The following FAM118A variants were observed in gnomAD, a reference collection of about 807,000 sequenced individuals.
FAM118A encodes protein FAM118A.
In FAM118A, 25 loss-of-function variants were observed where a neutral mutation model predicts 38.2. The ratio of observed to expected loss-of-function variants is 0.65; its 90% CI spans 0.48 to 0.91. The LOEUF (loss-of-function observed/expected upper bound fraction) is 0.91, where lower values mean the gene tolerates loss of function less well. Among genes scored for constraint, FAM118A ranks in the 40% least tolerant of loss-of-function variants. The pLI is 0.00. For missense variants in FAM118A, 425 were observed against 463.3 expected (o/e 0.92, Z 0.76); for synonymous variants, 178 against 184.1 (o/e 0.97, Z 0.27).
Position 45,340,432 on chromosome 22 carries a change from G to C in FAM118A, c.*27G>C. The C allele has an allele frequency of 6.2e-7, 1 of 1,613,812 alleles. No homozygotes were observed. The highest frequency in any genetic ancestry group is 8.5e-7 in the Non-Finnish European group (1 of 1,179,694). On this transcript the variant is annotated 3_prime_UTR_variant, in exon 9 of 9. Coordinates refer to ENST00000441876, the MANE Select transcript of FAM118A (RefSeq NM_017911.4). Reference sequence around the variant, plus strand: ...ATCTTTACAGTAAAACCTGCAACTTGAAAACTAGCCTTCTGTAACCACAGT... The same window carrying C: ...ATCTTTACAGTAAAACCTGCAACTTCAAAACTAGCCTTCTGTAACCACAGT...
At chr22:45,310,535 A>C (rs963161595) in intron 1 of FAM118A, among the ~76,000 whole-genome samples, 2 of 151,904 alleles carry the variant, frequency 1.3e-5, no homozygotes, top group Non-Finnish European at 2.9e-5. Flanking sequence ...CGTGGTTCCC[A>C]GTGTCCTTAG....
intron 8 of FAM118A, among the ~76,000 whole-genome samples, chr22:45,337,462 G>A (rs902046567): frequency 6.6e-6 from 1 of 152,076 alleles, no homozygotes; most frequent in Admixed American, 6.5e-5. Flanking sequence ...TAATATTGGG[G>A]CTTGAAGACA....
upstream of FAM118A, chr22:45,309,069 C>G (rs1175150671): frequency 6.6e-6 from 1 of 152,238 alleles, no homozygotes; most frequent in Non-Finnish European, 1.5e-5. Context: ...TCAGTCCTCG[C>G]AATACCCACA....
At chr22:45,331,035 C>T (rs1191194690) in intron 5 of FAM118A, among the ~76,000 whole-genome samples, 1 of 152,224 alleles carries the variant, frequency 6.6e-6, no homozygotes. Flanking sequence ...TTTGGTGGTT[C>T]TCACCTGCCC....
At chr22:45,322,300 A>G in intron 1 of FAM118A, 71 bp from the exon 2 acceptor site, 30 of 1,582,942 alleles carry the variant, frequency 1.9e-5, no homozygotes, top group East Asian at 8.9e-5. Context: ...AGCCTTAACT[A>G]TCTTCCAGGG....
rs545156742 is a variant in FAM118A at position 45,326,083 on chromosome 22, G to GGGGA, written c.301-1756_301-1753dup. Among the ~76,000 whole-genome samples, 275 of 152,240 alleles carry GGGGA rather than the reference G, an allele frequency of 1.8e-3. 2 individuals carry two copies. Among genetic ancestry groups the GGGGA allele is most frequent in the African/African-American group, 6.3e-3 (262 of 41,546 alleles). On this transcript the variant is annotated intron_variant, in intron 3 of 8. Coordinates refer to ENST00000441876, the MANE Select transcript of FAM118A (RefSeq NM_017911.4). The stretch of plus-strand genomic sequence containing the variant: ...CAACACGAACAGGCACAGAGGGCGA[G>GGGGA]GGGAGGTATTTTGATACCCAGGTGC...
intron 2 of FAM118A, 125 bp from the exon 3 acceptor site, chr22:45,323,050 T>TGG: frequency 1.1e-6 from 1 of 951,578 alleles, no homozygotes; most frequent in African/African-American, 1.7e-5. Context: ...ACTGTGTGTG[T>TGG]GTGTGTGTGT....
chr22:45,330,065 C>A (rs535977979), intron 4 of FAM118A: 1 of 152,288 alleles, frequency 6.6e-6, no homozygotes, highest in East Asian at 1.9e-4. Context: ...AGAAGTAATA[C>A]AGAAATAGCA....
chr22:45,316,348 T>C (rs934137667), intron 1 of FAM118A, among the ~76,000 whole-genome samples: 6 of 152,156 alleles, frequency 3.9e-5, no homozygotes, highest in African/African-American at 1.4e-4. Context: ...CCTTGCTCAG[T>C]GATTTCTGCC....
In FAM118A at chr22:45,322,384, A is replaced by G; in HGVS notation, c.5A>G (p.Asp2Gly). Residue 2 changes from aspartate (D) to glycine (G), a missense_variant, in exon 2 of 9, where the codon GAT becomes GGT. Transcript: ENST00000441876. M[D>G]SVEKTTNRSE... Reference sequence around the variant, plus strand: ...TTTTCTCTTTAGAATTCACAGATGGATTCAGTGGAAAAGACAACAAATAGA... The same window carrying G: ...TTTTCTCTTTAGAATTCACAGATGGGTTCAGTGGAAAAGACAACAAATAGA... 6.2e-7 allele frequency: 1 copy of G among 1,611,008 alleles called. No individual in the cohort carries two copies. The highest frequency in any genetic ancestry group is 8.5e-7 in the Non-Finnish European group (1 of 1,179,296).
intron 1 of FAM118A, among the ~76,000 whole-genome samples, chr22:45,321,036 A>G (rs1057407964): frequency 2.6e-5 from 4 of 152,368 alleles, no homozygotes; most frequent in African/African-American, 9.6e-5. Context: ...ATAGTTTTTA[A>G]TAACATAAAG....
intron 3 of FAM118A, among the ~76,000 whole-genome samples, chr22:45,325,774 A>C (rs1404350900): frequency 6.6e-6 from 1 of 152,160 alleles, no homozygotes; most frequent in Non-Finnish European, 1.5e-5. Flanking sequence ...CCAAGCGGAC[A>C]TGAGAATCAC....
At chr22:45,313,123 T>A (rs1421220481) in intron 1 of FAM118A, among the ~76,000 whole-genome samples, 1 of 152,080 alleles carries the variant, frequency 6.6e-6, no homozygotes, top group Non-Finnish European at 1.5e-5. Flanking sequence ...ACTTTGGAGA[T>A]TCCAGGGATT....
intron 1 of FAM118A, among the ~76,000 whole-genome samples, chr22:45,317,698 C>T (rs531067589): frequency 1.3e-5 from 2 of 152,348 alleles, no homozygotes; most frequent in South Asian, 2.1e-4. Flanking sequence ...GGTCCCGGCC[C>T]AGCAGGTTCT....
chr22:45,340,383 C>T lies in FAM118A; in HGVS notation c.1055-3C>T. The T allele has an allele frequency of 6.2e-7, 1 of 1,614,154 alleles. No individual in the cohort carries two copies. Among genetic ancestry groups the T allele is most frequent in the Non-Finnish European group, 8.5e-7 (1 of 1,179,994 alleles). On this transcript the variant is annotated splice_region_variant and splice_polypyrimidine_tract_variant and intron_variant, in intron 8 of 8. Coordinates refer to ENST00000441876, the MANE Select transcript of FAM118A (RefSeq NM_017911.4). ...TGGGCATTTCATTCTTTTATTTAAA[C>T]AGATGATGCTGGAGGGTCTTGAAAT...
At chr22:45,316,951 A>C (rs1305183675) in intron 1 of FAM118A, among the ~76,000 whole-genome samples, 1 of 152,192 alleles carries the variant, frequency 6.6e-6, no homozygotes, top group East Asian at 1.9e-4. Context: ...CTCCTGTGTG[A>C]GATGGATGTA....
Position 45,323,310 on chromosome 22 carries a change from GGCT to G in FAM118A, c.186_188del (p.Ala63del). 1 of 1,614,184 alleles carries G rather than the reference GGCT, an allele frequency of 6.2e-7. No individual in the cohort carries two copies. Among genetic ancestry groups the G allele is most frequent in the Non-Finnish European group, 8.5e-7 (1 of 1,180,014 alleles). ...GAAGCTGCATCGAGGCCGTCATCGA[GGCT>G]GCAGAGCAGCTGGAGGTGCTGCACC... On this transcript the variant is annotated inframe_deletion, in exon 3 of 9. Coordinates refer to ENST00000441876, the MANE Select transcript of FAM118A (RefSeq NM_017911.4).
At chr22:45,337,482 C>T (rs541321309) in intron 8 of FAM118A, among the ~76,000 whole-genome samples, 1 of 152,222 alleles carries the variant, frequency 6.6e-6, no homozygotes, top group South Asian at 2.1e-4. Context: ...ATTTGTGTTA[C>T]TTCTTACTTT....
At chr22:45,323,026 C>T (rs2084978971) in intron 2 of FAM118A, 149 bp from the exon 3 acceptor site, 2 of 869,376 alleles carry the variant, frequency 2.3e-6, no homozygotes, top group Non-Finnish European at 3.4e-6. Context: ...CGTCTCCCCA[C>T]AGCGTCAGAG....
Sources: gnomAD v4.1 joint callset for allele counts (sites outside exome capture counted in the v4.1 genomes callset) on GRCh38, gnomAD v4.1.1 for gene constraint, MANE v1.5 for transcripts, NCBI Gene and HGNC (gene_info 2026-07-23, HGNC 2026-07-21) for gene names.